The following MOB3B variants were observed in gnomAD, a reference collection of about 807,000 sequenced individuals.
MOB3B encodes MOB kinase activator-like 2B.
A neutral mutation model predicts 18.7 loss-of-function variants in MOB3B; 7 were observed. The ratio of observed to expected loss-of-function variants is 0.37; its 90% CI spans 0.21 to 0.70. The LOEUF is 0.70. Among genes scored for constraint, MOB3B ranks in the 30% least tolerant of loss-of-function variants. The pLI is 0.52. For missense variants in MOB3B, 253 were observed against 281.3 expected (o/e 0.90, Z 0.72); for synonymous variants, 111 against 99.9 (o/e 1.11, Z -0.66).
At chr9:27,353,938 G>T (rs1465245410) in intron 3 of MOB3B, among the ~76,000 whole-genome samples, 2 of 152,230 alleles carry the variant, frequency 1.3e-5, no homozygotes, top group Non-Finnish European at 2.9e-5. Flanking sequence ...CATTTGGGCT[G>T]TTTCCTCCAA....
At chr9:27,367,730 G>A (rs1821359289) in intron 2 of MOB3B, among the ~76,000 whole-genome samples, 6 of 152,202 alleles carry the variant, frequency 3.9e-5, no homozygotes, top group Admixed American at 3.9e-4. Context: ...GGTGGCAGGA[G>A]GGCAAATGAA....
chr9:27,403,516 A>ATTTT lies in MOB3B; in HGVS notation c.419-44284_419-44281dup, dbSNP rs74178385. On this transcript the variant is annotated intron_variant, in intron 2 of 3. Transcript: ENST00000262244. ...TAATGCTTGGTCTGGCTCTTTACTA[A>ATTTT]TTTTTTTTTTTTTTTTTTTTTTTTT... 5.5e-3 allele frequency among the ~76,000 whole-genome samples: 434 copies of ATTTT among 79,588 alleles called. 16 individuals are homozygous for ATTTT. Among genetic ancestry groups the ATTTT allele is most frequent in the African/African-American group, 0.015 (340 of 22,252 alleles). 52.2% of individuals were successfully genotyped at this position (79,588 alleles called of 152,430 possible).
rs530384572 is a variant in MOB3B, at chr9:27,329,523, T to G, written c.*1064A>C. ...TGGCAGAGGAGTGGGGAGCGTGGAG[T>G]GGGGAGAGAATGACGGCTGGGTTTA... On this transcript the variant is annotated 3_prime_UTR_variant, in exon 4 of 4. Transcript: ENST00000262244. 1 of 151,680 alleles carries G rather than the reference T, an allele frequency of 6.6e-6. No individual in the cohort carries two copies. Among genetic ancestry groups the G allele is most frequent in the East Asian group, 1.9e-4 (1 of 5,146 alleles). The allele number at this position is 151,680 out of a possible 1,614,324, so 9.4% of individuals were successfully genotyped here.
chr9:27,510,550 A>G (rs111356407), intron 1 of MOB3B, among the ~76,000 whole-genome samples: 11 of 152,346 alleles, frequency 7.2e-5, no homozygotes, highest in African/African-American at 2.6e-4. Context: ...GACCAGTTTA[A>G]CAGGTGCCTT....
At position 27,364,627 on chromosome 9, in the gene MOB3B, G is replaced by A. The variant is rs371565738; in HGVS notation, c.419-5391C>T. Among the ~76,000 whole-genome samples the A allele has an allele frequency of 1.7e-4, 26 of 152,328 alleles. No homozygotes were observed. In the East Asian group the frequency reaches 4.6e-3, roughly 27 times the overall value. Reference sequence around the variant, plus strand: ...CACAATGTAGCCATATGCAGATGATGTAGTGTCTCCAAGCCTCACTTTCCC... The same window carrying A: ...CACAATGTAGCCATATGCAGATGATATAGTGTCTCCAAGCCTCACTTTCCC... On this transcript the variant is annotated intron_variant, in intron 2 of 3. Coordinates refer to ENST00000262244, the MANE Select transcript of MOB3B (RefSeq NM_024761.5).
intron 2 of MOB3B, among the ~76,000 whole-genome samples, chr9:27,441,511 T>G (rs922469083): frequency 1.3e-5 from 2 of 152,216 alleles, no homozygotes; most frequent in Non-Finnish European, 2.9e-5. Context: ...AGATATCTAC[T>G]AAATGAGCAA....
chr9:27,390,054 CAT>C (rs750356254), intron 2 of MOB3B, among the ~76,000 whole-genome samples: 4 of 151,646 alleles, frequency 2.6e-5, no homozygotes, highest in East Asian at 1.9e-4. Flanking sequence ...TCAATAGTTG[CAT>C]ATATATATAT....
At chr9:27,387,184 T>C (rs915074292) in intron 2 of MOB3B, among the ~76,000 whole-genome samples, 1 of 152,190 alleles carries the variant, frequency 6.6e-6, no homozygotes, top group Admixed American at 6.5e-5. Context: ...GAATAATCAT[T>C]CATTTAAAAT....
At chr9:27,335,174 G>A (rs1166078476) in intron 3 of MOB3B, among the ~76,000 whole-genome samples, 1 of 152,216 alleles carries the variant, frequency 6.6e-6, no homozygotes, top group African/African-American at 2.4e-5. Flanking sequence ...CAGTCATCAT[G>A]CTTGCACAGC....
chr9:27,512,946 T>C (rs562823544), intron 1 of MOB3B, among the ~76,000 whole-genome samples: 1 of 152,302 alleles, frequency 6.6e-6, no homozygotes, highest in South Asian at 2.1e-4. Context: ...CTAAGAAATT[T>C]AAGCCTCAGG....
intron 1 of MOB3B, among the ~76,000 whole-genome samples, chr9:27,490,240 C>T (rs947359988): frequency 3.9e-5 from 6 of 152,136 alleles, no homozygotes; most frequent in Non-Finnish European, 4.4e-5. Context: ...AGAGGACCTA[C>T]CACGTATCAG....
chr9:27,419,886 A>C (rs1031228324), intron 2 of MOB3B, among the ~76,000 whole-genome samples: 2 of 152,220 alleles, frequency 1.3e-5, no homozygotes, highest in African/African-American at 4.8e-5. Flanking sequence ...AGTGGGAGAA[A>C]ATCTTCACAA....
intron 2 of MOB3B, among the ~76,000 whole-genome samples, chr9:27,411,296 G>A (rs1315486105): frequency 6.6e-6 from 1 of 152,184 alleles, no homozygotes; most frequent in Non-Finnish European, 1.5e-5. Context: ...GAGGACTCCA[G>A]CTCTCTCTTC....
At chr9:27,503,681 G>A (rs754135564) in intron 1 of MOB3B, among the ~76,000 whole-genome samples, 3 of 152,240 alleles carry the variant, frequency 2.0e-5, no homozygotes, top group Admixed American at 1.3e-4. Flanking sequence ...AGTGGACCCT[G>A]TAATGTGCCA....
chr9:27,437,491 G>T (rs28491492), intron 2 of MOB3B, among the ~76,000 whole-genome samples: 8,394 of 152,112 alleles, frequency 0.055, 654 homozygotes, highest in African/African-American at 0.18. Flanking sequence ...AGCTCTGTTA[G>T]CACATTTATT....
rs1587279778 is a variant in MOB3B, at chr9:27,524,720, C to T, written c.-199+4835G>A. On this transcript the variant is annotated intron_variant, in intron 1 of 3. Transcript: ENST00000262244. ...AGCAAGCAGAGTACCTGAACCAATG[C>T]TTGGAGGAAGACAAGAATGAAAATG... 3 of 1,613,920 alleles carry T rather than the reference C, an allele frequency of 1.9e-6. No individual in the cohort carries two copies. The East Asian group carries it at 6.7e-5, about 36-fold the overall frequency.
intron 2 of MOB3B, among the ~76,000 whole-genome samples, chr9:27,435,443 T>G (rs1373314153): frequency 6.6e-6 from 1 of 152,144 alleles, no homozygotes; most frequent in African/African-American, 2.4e-5. Context: ...GAAAAATTAT[T>G]TTTTCTCCAT....
intron 2 of MOB3B, among the ~76,000 whole-genome samples, chr9:27,390,160 C>T (rs900837137): frequency 6.6e-6 from 1 of 151,902 alleles, no homozygotes; most frequent in Non-Finnish European, 1.5e-5. Flanking sequence ...TCACAGCAAC[C>T]TCCGCCTACC....
intron 1 of MOB3B, among the ~76,000 whole-genome samples, chr9:27,477,900 C>T (rs1278368543): frequency 2.0e-5 from 3 of 152,164 alleles, no homozygotes; most frequent in African/African-American, 7.2e-5. Context: ...AGGTAAGATG[C>T]TGGAACTGAC....
Sources: gnomAD v4.1 joint callset for allele counts (sites outside exome capture counted in the v4.1 genomes callset) on GRCh38, gnomAD v4.1.1 for gene constraint, MANE v1.5 for transcripts, NCBI Gene and HGNC (gene_info 2026-07-23, HGNC 2026-07-21) for gene names.